The following FGFR3 variants were observed in gnomAD, a reference collection of about 807,000 sequenced individuals.
FGFR3 encodes fibroblast growth factor receptor 3, also known as FGFR-3.
In FGFR3, 25 loss-of-function variants were observed where a neutral mutation model predicts 82.9. That is an observed-to-expected ratio of 0.30 (90% CI 0.22 to 0.42). The LOEUF (loss-of-function observed/expected upper bound fraction) is 0.42. Among genes scored for constraint, FGFR3 ranks in the 10% least tolerant of loss-of-function variants. The probability of loss-of-function intolerance (pLI) is 1.00; values close to 1 mark genes in which losing one functional copy is unlikely to be tolerated. For synonymous variants in FGFR3, 620 were observed against 516.0 expected (o/e 1.20, Z -2.73); for missense variants, 1,026 against 1,161.0 (o/e 0.88, Z 1.69).
chr4:1,800,738 C>T (rs1301076586), intron 4 of FGFR3, among the ~76,000 whole-genome samples: 1 of 152,272 alleles, frequency 6.6e-6, no homozygotes, highest in African/African-American at 2.4e-5. Context: ...CCATCCTTGC[C>T]TGGAGTCCCG....
Position 1,799,501 on chromosome 4 carries a change from C to A in FGFR3, c.357C>A (p.Cys119Ter). ...AGCGGCTCACGCAGCGCGTACTGTG[C>A]CACTTCAGTGTGCGGGTGACAGGTG... is the stretch of plus-strand genomic sequence containing the variant. Reference protein sequence around the residue: ...CRQRLTQRVLCHFSVRVTDAP... With the variant: ...CRQRLTQRVL The change falls in exon 3 of 18, where the codon TGC becomes TGA. Residue 119 changes from cysteine (C) to a stop codon, truncating the protein, a stop_gained. Coordinates refer to ENST00000440486, the MANE Select transcript of FGFR3 (RefSeq NM_000142.5). LOFTEE classifies it high-confidence loss of function. 6.4e-7 allele frequency: 1 copy of A among 1,562,108 alleles called. No homozygotes were observed. Among genetic ancestry groups the A allele is most frequent in the East Asian group, 2.4e-5 (1 of 41,600 alleles).
At position 1,805,868 on chromosome 4, in the gene FGFR3, G is replaced by A. The variant is rs765360194; in HGVS notation, c.1764G>A (p.Gln588=). The A allele has an allele frequency of 4.0e-5, 65 of 1,612,654 alleles. No individual in the cohort carries two copies. The highest frequency in any genetic ancestry group is 2.5e-4 in the Admixed American group (15 of 60,000). ...ACACCTGCAAGCCGCCCGAGGAGCA[G>A]CTCACCTTCAAGGACCTGGTGTCCT... ...SFDTCKPPEE[Q]LTFKDLVSCA... Residue 588 remains glutamine (Q), a synonymous_variant, in exon 13 of 18, where the codon CAG becomes CAA. Transcript: ENST00000440486.
intron 9 of FGFR3, 139 bp downstream of exon 9, chr4:1,804,659 C>A: frequency 7.0e-7 from 1 of 1,421,872 alleles, no homozygotes; most frequent in African/African-American, 1.4e-5. Flanking sequence ...CTCTGCTCAC[C>A]ATGTAGAGCC....
chr4:1,807,810 G>A lies in FGFR3; in HGVS notation c.*548G>A. ...TCAGAGACTGAAATTACGGGTACCT[G>A]AAGATGGGAGCCTTTACCTTTTATG... On this transcript the variant is annotated 3_prime_UTR_variant, in exon 18 of 18. Transcript: ENST00000440486. The A allele has an allele frequency of 2.0e-6, 1 of 490,540 alleles. No homozygotes were observed. Among genetic ancestry groups the A allele is most frequent in the Non-Finnish European group, 3.9e-6 (1 of 257,424 alleles). 30.4% of individuals were successfully genotyped at this position (490,540 alleles called of 1,614,324 possible). A position where few individuals can be genotyped will look rare whatever the true frequency, so the allele number is the denominator to read the frequency against.
chr4:1,795,258 G>T (rs1249533666), intron 2 of FGFR3, among the ~76,000 whole-genome samples: 2 of 152,132 alleles, frequency 1.3e-5, no homozygotes. Flanking sequence ...GGGCGGCCGC[G>T]GGGGGAGCTT....
In FGFR3 at chr4:1,806,173, C is replaced by A. The variant is rs150609697; in HGVS notation, c.1959C>A (p.Asn653Lys). The change falls in exon 14 of 18, where the codon AAC becomes AAA. Residue 653 changes from asparagine to lysine, a missense_variant and splice_region_variant. Coordinates refer to ENST00000440486, the MANE Select transcript of FGFR3 (RefSeq NM_000142.5). ...TCGACTACTACAAGAAGACGACCAA[C>A]GTGAGCCCGGCCCTGGGGTGCGGGG... ...HNLDYYKKTT[N>K]GRLPVKWMAP... 1 of 1,612,750 alleles carries A rather than the reference C, an allele frequency of 6.2e-7. No individual in the cohort carries two copies. The highest frequency in any genetic ancestry group is 8.5e-7 in the Non-Finnish European group (1 of 1,179,652).
chr4:1,797,760 C>T (rs1720688620), intron 2 of FGFR3, among the ~76,000 whole-genome samples: 2 of 152,192 alleles, frequency 1.3e-5, no homozygotes, highest in African/African-American at 4.8e-5. Flanking sequence ...AGCTGTGGGT[C>T]CCGGTGGGGC....
At chr4:1,799,185 C>T (rs1160530811) in intron 2 of FGFR3, 69 bp from the exon 3 acceptor site, 4 of 1,607,118 alleles carry the variant, frequency 2.5e-6, no homozygotes, top group Non-Finnish European at 2.5e-6. Context: ...CCGAGGCTTC[C>T]ACTGCTGTGT....
chr4:1,806,006 G>A (rs1471414619), intron 13 of FGFR3, 45 bp from the exon 14 acceptor site: 9 of 1,612,072 alleles, frequency 5.6e-6, no homozygotes, highest in Non-Finnish European at 7.6e-6. Context: ...GGAGCAGCGG[G>A]GAGAGGTGGA....
At position 1,801,754 on chromosome 4, in the gene FGFR3, TG is replaced by T; in HGVS notation, c.739+15del. Reference sequence around the variant, plus strand: ...CGCTGGACGTGCTGGGTGAGGGCCCTGGGGCGGCGCGGGGGTGGGGGCGGCA... The same window carrying T: ...CGCTGGACGTGCTGGGTGAGGGCCCTGGGCGGCGCGGGGGTGGGGGCGGCA... On this transcript the variant is annotated intron_variant, in intron 6 of 17. Transcript: ENST00000440486. The T allele has an allele frequency of 6.5e-7, 1 of 1,536,618 alleles. No individual in the cohort carries two copies. The highest frequency in any genetic ancestry group is 1.8e-5 in the Admixed American group (1 of 56,396).
chr4:1,799,113 T>C, intron 2 of FGFR3, 141 bp from the exon 3 acceptor site: 1 of 1,198,552 alleles, frequency 8.3e-7, no homozygotes, highest in Non-Finnish European at 1.2e-6. Context: ...TGGGACACAG[T>C]TTCCAGCCCC....
At chr4:1,804,716 C>G (rs1721656065) in intron 9 of FGFR3, 108 bp from the exon 10 acceptor site, 1 of 1,447,224 alleles carries the variant, frequency 6.9e-7, no homozygotes, top group African/African-American at 1.4e-5. Context: ...TCATTCAATG[C>G]TGGTGGAAGT....
At chr4:1,800,449 C>T (rs539920667) in intron 4 of FGFR3, among the ~76,000 whole-genome samples, 3 of 152,128 alleles carry the variant, frequency 2.0e-5, no homozygotes, top group South Asian at 2.1e-4. Context: ...GGGGCAGTTA[C>T]GACTTGCGGA....
rs1176894356 is a variant in FGFR3 at position 1,793,826 on chromosome 4, C to G, written c.-102-7C>G. Reference sequence around the variant, plus strand: ...CCCTCTAACGAGCTGCCTTCCTCCTCCTGTAGTCTCCCGAGCGGCGCCCGC... The same window carrying G: ...CCCTCTAACGAGCTGCCTTCCTCCTGCTGTAGTCTCCCGAGCGGCGCCCGC... On this transcript the variant is annotated splice_polypyrimidine_tract_variant and splice_region_variant and intron_variant, in intron 1 of 17. Coordinates refer to ENST00000440486, the MANE Select transcript of FGFR3 (RefSeq NM_000142.5). 1 of 193,044 alleles carries G rather than the reference C, an allele frequency of 5.2e-6. No homozygotes were observed. Among genetic ancestry groups the G allele is most frequent in the Non-Finnish European group, 9.8e-6 (1 of 102,380 alleles). 12.0% of individuals were successfully genotyped at this position (193,044 alleles called of 1,614,324 possible).
chr4:1,793,974 G>T lies in FGFR3; in HGVS notation c.40G>T (p.Val14Leu). The change falls in exon 2 of 18, where the codon GTG (valine) becomes TTG (leucine). Residue 14 changes from valine (V) to leucine (L), a missense_variant. Coordinates refer to ENST00000440486, the MANE Select transcript of FGFR3 (RefSeq NM_000142.5). ...CTGCGCCCTCGCGCTCTGCGTGGCC[G>T]TGGCCATCGTGGCCGGCGCCTCCTC... The part of the protein sequence containing the change: ...PACALALCVA[V>L]AIVAGASSES... The T allele has an allele frequency of 7.3e-7, 1 of 1,378,470 alleles. No individual in the cohort carries two copies. Among genetic ancestry groups the T allele is most frequent in the Middle Eastern group, 2.1e-4 (1 of 4,862 alleles). The allele number at this position is 1,378,470 out of a possible 1,614,324, so 85.4% of individuals were successfully genotyped here.
At position 1,806,816 on chromosome 4, in the gene FGFR3, G is replaced by C; in HGVS notation, c.2169-13G>C. 6.3e-7 allele frequency: 1 copy of C among 1,593,700 alleles called. No homozygotes were observed. Among genetic ancestry groups the C allele is most frequent in the Non-Finnish European group, 8.5e-7 (1 of 1,170,900 alleles). ...GAAGCGGCGGGGCTCACTCCTGAGC[G>C]CCCTGCCCGCAGGTACATGATCATG... On this transcript the variant is annotated splice_polypyrimidine_tract_variant and intron_variant, in intron 16 of 17. Coordinates refer to ENST00000440486, the MANE Select transcript of FGFR3 (RefSeq NM_000142.5).
intron 7 of FGFR3, chr4:1,803,036 T>C: frequency 6.2e-7 from 1 of 1,600,186 alleles, no homozygotes; most frequent in Non-Finnish European, 8.5e-7. Context: ...AGAAGGCCTT[T>C]TGGCTGAGCG....
chr4:1,795,527 C>A (rs1281957635), intron 2 of FGFR3, among the ~76,000 whole-genome samples: 1 of 152,132 alleles, frequency 6.6e-6, no homozygotes, highest in African/African-American at 2.4e-5. Context: ...CAAGATGGGC[C>A]GGGCAGTAAA....
intron 2 of FGFR3, among the ~76,000 whole-genome samples, chr4:1,797,256 C>T (rs1464406635): frequency 6.6e-6 from 1 of 152,174 alleles, no homozygotes; most frequent in East Asian, 1.9e-4. Context: ...CAACTGCTGA[C>T]TTCCCAGTGG....
Sources: allele counts gnomAD v4.1 joint callset (sites outside exome capture counted in the v4.1 genomes callset), GRCh38; gene constraint gnomAD v4.1.1; transcripts MANE v1.5; gene names NCBI Gene and HGNC (gene_info 2026-07-23, HGNC 2026-07-21).